TNR: variants seen among roughly 807,000 people sequenced by gnomAD.
The protein encoded by TNR is tenascin R, also known as tenascin-R.
Under a neutral mutation model 150.4 loss-of-function variants are expected in TNR, and 45 were observed. The observed-to-expected ratio is 0.30, with a 90% CI of 0.24 to 0.38. The LOEUF (loss-of-function observed/expected upper bound fraction) is 0.38, where lower values mean the gene tolerates loss of function less well. Ranked by LOEUF, TNR falls within the 10% of genes least tolerant of loss-of-function variation. TNR has a pLI of 1.00. For missense variants in TNR, 1,544 were observed against 1,759.1 expected (o/e 0.88, Z 2.19); for synonymous variants, 687 against 678.4 (o/e 1.01, Z -0.20).
intron 1 of TNR, among the ~76,000 whole-genome samples, chr1:175,677,006 C>T (rs1024247561): frequency 7.9e-5 from 12 of 152,186 alleles, no homozygotes; most frequent in Admixed American, 7.9e-4. Flanking sequence ...CACACCTGAG[C>T]CCACTCAGAA....
rs1385285678 is a variant in TNR at position 175,406,206 on chromosome 1, C to T, written c.499+10G>A. ...CTCCTGAGACCACGCTGCGAGCTCC[C>T]GGACTCTACCTGTGGCAGCACTTTC... On this transcript the variant is annotated intron_variant, in intron 3 of 22. Transcript: ENST00000367674. The T allele has an allele frequency of 5.6e-6, 9 of 1,611,386 alleles. No individual in the cohort carries two copies. The highest frequency in any genetic ancestry group is 5.9e-6 in the Non-Finnish European group (7 of 1,178,604).
At chr1:175,592,925 T>C (rs1662857839) in intron 1 of TNR, among the ~76,000 whole-genome samples, 2 of 152,238 alleles carry the variant, frequency 1.3e-5, no homozygotes, top group South Asian at 4.1e-4. Flanking sequence ...AACTGGTTTT[T>C]CTGGGACTTC....
chr1:175,602,266 T>C (rs970136263), intron 1 of TNR, among the ~76,000 whole-genome samples: 2 of 141,688 alleles, frequency 1.4e-5, no homozygotes, highest in African/African-American at 5.3e-5. Context: ...GGACATGCGA[T>C]CTACTCATTC....
intron 8 of TNR, among the ~76,000 whole-genome samples, chr1:175,381,754 T>C (rs911695897): frequency 1.3e-5 from 2 of 152,222 alleles, no homozygotes; most frequent in African/African-American, 4.8e-5. Context: ...TAAATTAGAT[T>C]AAGTAATTCC....
chr1:175,625,964 AC>A (rs1309394000), intron 1 of TNR, among the ~76,000 whole-genome samples: 2 of 135,464 alleles, frequency 1.5e-5, no homozygotes, highest in African/African-American at 6.2e-5. Flanking sequence ...TGTGGGAGGG[AC>A]CCGGGGGGGA....
At chr1:175,521,214 CCTTA>C (rs1456357080) in intron 2 of TNR, among the ~76,000 whole-genome samples, 2 of 152,166 alleles carry the variant, frequency 1.3e-5, no homozygotes, top group Admixed American at 6.5e-5. Flanking sequence ...AATATATTGT[CCTTA>C]CTTTACCAAT....
At chr1:175,370,154 T>C (rs746265375) in intron 9 of TNR, among the ~76,000 whole-genome samples, 31 of 152,148 alleles carry the variant, frequency 2.0e-4, no homozygotes, top group Non-Finnish European at 3.5e-4. Flanking sequence ...ACCTGTGTAA[T>C]TTTGATTACT....
At chr1:175,708,012 GTGTGTT>G (rs1338175264) in intron 1 of TNR, among the ~76,000 whole-genome samples, 1,376 of 113,772 alleles carry the variant, frequency 0.012, 23 homozygotes, top group African/African-American at 0.042. Flanking sequence ...AGAGCCATGT[GTGTGTT>G]TGTGTGTGTG....
intron 1 of TNR, among the ~76,000 whole-genome samples, chr1:175,716,277 C>T (rs1667152492): frequency 6.6e-6 from 1 of 152,172 alleles, no homozygotes; most frequent in Non-Finnish European, 1.5e-5. Flanking sequence ...TAAATTTAAA[C>T]CCACTTGACT....
chr1:175,392,155 A>C (rs1653200046), intron 6 of TNR, among the ~76,000 whole-genome samples: 1 of 149,944 alleles, frequency 6.7e-6, no homozygotes, highest in Non-Finnish European at 1.5e-5. Flanking sequence ...AACTTGACGA[A>C]ATTGAATCTA....
chr1:175,494,513 C>T (rs1426371927), intron 2 of TNR, among the ~76,000 whole-genome samples: 2 of 152,136 alleles, frequency 1.3e-5, no homozygotes, highest in Non-Finnish European at 1.5e-5. Flanking sequence ...GCCTGTCTAC[C>T]TGGGGAGGAC....
At chr1:175,559,700 C>A (rs1044393136) in intron 1 of TNR, among the ~76,000 whole-genome samples, 1 of 152,186 alleles carries the variant, frequency 6.6e-6, no homozygotes, top group Non-Finnish European at 1.5e-5. Flanking sequence ...CATAAATATA[C>A]CACATTTTCT....
intron 9 of TNR, among the ~76,000 whole-genome samples, chr1:175,369,116 T>C (rs183558728): frequency 8.5e-5 from 13 of 152,346 alleles, no homozygotes; most frequent in Admixed American, 2.6e-4. Context: ...TCTGTATTTA[T>C]ATAACATCTG....
intron 1 of TNR, among the ~76,000 whole-genome samples, chr1:175,636,406 C>T (rs887747727): frequency 2.0e-5 from 3 of 151,972 alleles, no homozygotes; most frequent in Non-Finnish European, 4.4e-5. Context: ...TCTCCATGCC[C>T]CTGACTCATA....
Position 175,739,546 on chromosome 1 carries a change from C to G in TNR, c.-165+3680G>C, listed in dbSNP as rs368557196. Among the ~76,000 whole-genome samples the G allele has an allele frequency of 1.5e-4, 23 of 152,022 alleles. 3 individuals carry two copies. Among genetic ancestry groups the G allele is most frequent in the East Asian group, 9.6e-4 (5 of 5,190 alleles). On this transcript the variant is annotated intron_variant, in intron 1 of 22. Transcript: ENST00000367674. The stretch of plus-strand genomic sequence containing the variant: ...CACACACACACATTCACCAAAGTTA[C>G]CAAACCTTCTGATAACTCCGTTACT...
At chr1:175,454,847 C>T (rs866831202) in intron 2 of TNR, among the ~76,000 whole-genome samples, 11 of 152,140 alleles carry the variant, frequency 7.2e-5, no homozygotes, top group South Asian at 6.2e-4. Flanking sequence ...TTCATCTGCA[C>T]GGTGGGAACA....
intron 1 of TNR, among the ~76,000 whole-genome samples, chr1:175,618,983 C>T (rs569402701): frequency 2.0e-4 from 30 of 152,264 alleles, no homozygotes; most frequent in African/African-American, 7.0e-4. Flanking sequence ...CACAGCTGTG[C>T]CTCCCTGGCC....
At chr1:175,459,398 A>T (rs115613393) in intron 2 of TNR, among the ~76,000 whole-genome samples, 312 of 152,292 alleles carry the variant, frequency 2.0e-3, no homozygotes, top group African/African-American at 7.2e-3. Flanking sequence ...CATGATTATG[A>T]AAATCTGCAT....
At chr1:175,612,781 C>G (rs1285007484) in intron 1 of TNR, among the ~76,000 whole-genome samples, 1 of 152,174 alleles carries the variant, frequency 6.6e-6, no homozygotes, top group Non-Finnish European at 1.5e-5. Context: ...AATGTAAACT[C>G]CTCCAAGTTT....
Sources: gnomAD v4.1 joint callset for allele counts (sites outside exome capture counted in the v4.1 genomes callset) on GRCh38, gnomAD v4.1.1 for gene constraint, MANE v1.5 for transcripts, NCBI Gene and HGNC (gene_info 2026-07-23, HGNC 2026-07-21) for gene names.